Variants in RHOT1 observed in about 807,000 individuals in gnomAD.
RHOT1 encodes mitochondrial Rho GTPase 1.
A neutral mutation model predicts 95.3 loss-of-function variants in RHOT1; 27 were observed. That is an observed-to-expected ratio of 0.28 (90% confidence interval 0.21 to 0.39). RHOT1 has a LOEUF of 0.39. Among genes scored for constraint, RHOT1 ranks in the 10% least tolerant of loss-of-function variants. RHOT1 has a pLI of 1.00. For synonymous variants in RHOT1, 227 were observed against 263.5 expected (o/e 0.86, Z 1.34); for missense variants, 578 against 786.7 (o/e 0.73, Z 3.17).
At chr17:32,196,078 C>T (rs559647172) in intron 11 of RHOT1, among the ~76,000 whole-genome samples, 1 of 152,184 alleles carries the variant, frequency 6.6e-6, no homozygotes, top group East Asian at 1.9e-4. Context: ...TTATGAAACC[C>T]TCTGCATCTA....
At chr17:32,143,849 T>A (rs2030850799) in intron 1 of RHOT1, among the ~76,000 whole-genome samples, 1 of 152,224 alleles carries the variant, frequency 6.6e-6, no homozygotes, top group South Asian at 2.1e-4. Flanking sequence ...CCCCTCAGGG[T>A]CACCGTGATG....
intron 16 of RHOT1, among the ~76,000 whole-genome samples, chr17:32,204,368 T>A (rs376323112): frequency 3.3e-5 from 5 of 151,760 alleles, no homozygotes; most frequent in South Asian, 2.1e-4. Context: ...CTGACCAACA[T>A]GGAGAAACCC....
intron 6 of RHOT1, among the ~76,000 whole-genome samples, chr17:32,177,887 C>T (rs1448165458): frequency 1.5e-4 from 22 of 146,306 alleles, no homozygotes; most frequent in African/African-American, 3.0e-4. Context: ...TGCAGTGGTG[C>T]GATCTTGGCT....
intron 14 of RHOT1, among the ~76,000 whole-genome samples, chr17:32,201,635 TA>T (rs2037325081): frequency 6.6e-6 from 1 of 152,182 alleles, no homozygotes; most frequent in Non-Finnish European, 1.5e-5. Context: ...AGACAGTATT[TA>T]ATTCAACACC....
At chr17:32,192,844 G>A (rs536071391) in intron 9 of RHOT1, among the ~76,000 whole-genome samples, 1 of 151,820 alleles carries the variant, frequency 6.6e-6, no homozygotes, top group African/African-American at 2.4e-5. Context: ...GCTAATTTTT[G>A]TATTTTTAGT....
At chr17:32,175,843 T>C in intron 4 of RHOT1, 119 bp from the exon 5 acceptor site, 1 of 612,696 alleles carries the variant, frequency 1.6e-6, no homozygotes, top group Non-Finnish European at 2.6e-6. Context: ...TTTGTTTTTT[T>C]GTTTTAGCTG....
At chr17:32,149,977 C>T (rs978530863) in intron 1 of RHOT1, among the ~76,000 whole-genome samples, 1 of 151,994 alleles carries the variant, frequency 6.6e-6, no homozygotes, top group African/African-American at 2.4e-5. Flanking sequence ...TCTTGAATTC[C>T]TGGCCTCAAT....
intron 18 of RHOT1, among the ~76,000 whole-genome samples, chr17:32,210,357 T>C (rs548984414): frequency 2.6e-5 from 4 of 152,294 alleles, no homozygotes; most frequent in Admixed American, 1.3e-4. Context: ...CACCAACTAG[T>C]GCAACTCTCC....
chr17:32,149,690 CACACACATATATAT>C, intron 1 of RHOT1, among the ~76,000 whole-genome samples: 2 of 142,010 alleles, frequency 1.4e-5, no homozygotes, highest in African/African-American at 2.6e-5. Flanking sequence ...TACATACACT[CACACACATATATAT>C]ACACACATAC....
At chr17:32,182,157 A>G (rs1567688425) in intron 6 of RHOT1, among the ~76,000 whole-genome samples, 1 of 152,068 alleles carries the variant, frequency 6.6e-6, no homozygotes. Context: ...ATTGGAAATT[A>G]TTTTATTTGC....
At position 32,198,982 on chromosome 17, in the gene RHOT1, A is replaced by G. The variant is rs2037112721; in HGVS notation, c.905A>G (p.Asn302Ser). The change falls in exon 12 of 20, where the codon AAT (asparagine) becomes AGT (serine). Residue 302 changes from asparagine (N) to serine (S), a missense_variant. Coordinates refer to ENST00000545287, the MANE Select transcript of RHOT1 (RefSeq NM_001033566.3). ...KIPPDCTTEL[N>S]HHAYLFLQST... ...CCTCCTGATTGCACTACTGAATTAA[A>G]TCATCATGCATATTTATTTCTCCAA... 1 of 1,612,150 alleles carries G rather than the reference A, an allele frequency of 6.2e-7. No individual in the cohort carries two copies. Among genetic ancestry groups the G allele is most frequent in the East Asian group, 2.2e-5 (1 of 44,768 alleles).
chr17:32,171,964 G>A (rs1290992920), intron 2 of RHOT1, among the ~76,000 whole-genome samples: 1 of 152,220 alleles, frequency 6.6e-6, no homozygotes, highest in Non-Finnish European at 1.5e-5. Flanking sequence ...GTTCTAGAGT[G>A]AGGAGCTGTT....
intron 1 of RHOT1, among the ~76,000 whole-genome samples, chr17:32,162,021 G>C (rs2033608190): frequency 6.6e-6 from 1 of 152,212 alleles, no homozygotes; most frequent in Admixed American, 6.5e-5. Flanking sequence ...CAACCAGGAA[G>C]CTCTCCTGAG....
chr17:32,188,296 A>G (rs1598396064), intron 8 of RHOT1, among the ~76,000 whole-genome samples: 1 of 152,262 alleles, frequency 6.6e-6, no homozygotes, highest in Non-Finnish European at 1.5e-5. Flanking sequence ...CTTGATGCAA[A>G]TGCAAAGGAA....
chr17:32,221,912 A>C (rs2038856681), intron 19 of RHOT1, among the ~76,000 whole-genome samples: 1 of 152,146 alleles, frequency 6.6e-6, no homozygotes, highest in Non-Finnish European at 1.5e-5. Context: ...ACCAGCCTGG[A>C]CAACATAGTG....
intron 6 of RHOT1, among the ~76,000 whole-genome samples, chr17:32,180,635 A>AT (rs1269100489): frequency 1.3e-5 from 2 of 150,318 alleles, no homozygotes; most frequent in African/African-American, 4.9e-5. Flanking sequence ...ATCAATAAAC[A>AT]TTAAAAAAAA....
intron 19 of RHOT1, among the ~76,000 whole-genome samples, chr17:32,214,035 C>T (rs1469276080): frequency 6.6e-6 from 1 of 152,082 alleles, no homozygotes. Context: ...GTAGAGGAAC[C>T]AGTATACTTT....
At chr17:32,153,223 T>G (rs915354904) in intron 1 of RHOT1, among the ~76,000 whole-genome samples, 3 of 152,166 alleles carry the variant, frequency 2.0e-5, no homozygotes, top group Admixed American at 6.5e-5. Flanking sequence ...GAAAAGGGGA[T>G]TATGAGAAGA....
At chr17:32,204,635 T>TAA (rs57746638) in intron 16 of RHOT1, among the ~76,000 whole-genome samples, 5 of 149,334 alleles carry the variant, frequency 3.3e-5, no homozygotes, top group African/African-American at 1.2e-4. Context: ...TTAAAAAAAT[T>TAA]AAAAAAAAAA....
Sources: gnomAD v4.1 joint callset for allele counts (sites outside exome capture counted in the v4.1 genomes callset) on GRCh38, gnomAD v4.1.1 for gene constraint, MANE v1.5 for transcripts, NCBI Gene and HGNC (gene_info 2026-07-23, HGNC 2026-07-21) for gene names.